Variants in CNTN3 observed in about 807,000 individuals in gnomAD.
CNTN3 encodes contactin-3.
A neutral mutation model predicts 119.1 loss-of-function variants in CNTN3; 60 were observed. That is an observed-to-expected ratio of 0.50 (90% CI 0.41 to 0.62). The LOEUF (loss-of-function observed/expected upper bound fraction) is 0.62. CNTN3 is among the 20% of genes least tolerant of loss of function. The pLI is 0.00. For missense variants in CNTN3, 1,101 were observed against 1,242.4 expected (o/e 0.89, Z 1.71); for synonymous variants, 450 against 438.7 (o/e 1.03, Z -0.32).
At chr3:74,265,977 GGA>G (rs1352938478) in intron 22 of CNTN3, among the ~76,000 whole-genome samples, 5 of 152,040 alleles carry the variant, frequency 3.3e-5, no homozygotes. Context: ...ACTTGGATTT[GGA>G]GAGGAAAAAT....
chr3:74,606,476 G>A (rs1451571543), intron 1 of CNTN3, among the ~76,000 whole-genome samples: 1 of 151,934 alleles, frequency 6.6e-6, no homozygotes, highest in Non-Finnish European at 1.5e-5. Flanking sequence ...GCACACATGT[G>A]AGAGTATGTA....
intron 4 of CNTN3, among the ~76,000 whole-genome samples, chr3:74,425,605 T>C (rs1391613302): frequency 3.3e-5 from 5 of 152,178 alleles, no homozygotes; most frequent in Non-Finnish European, 7.4e-5. Context: ...TGAAATATCC[T>C]AAATCAAAAA....
chr3:74,351,388 C>T (rs1461157957), intron 11 of CNTN3, among the ~76,000 whole-genome samples: 4 of 152,262 alleles, frequency 2.6e-5, no homozygotes, highest in South Asian at 2.1e-4. Flanking sequence ...ATGCCACCCA[C>T]GAGGCTGACT....
Position 74,302,723 on chromosome 3 carries a change from T to A in CNTN3, c.1753A>T (p.Ser585Cys). 6.2e-7 allele frequency: 1 copy of A among 1,613,112 alleles called. No individual in the cohort carries two copies. The highest frequency in any genetic ancestry group is 1.1e-5 in the South Asian group (1 of 90,958). ...ATGAGGTCAGCAGCAGATGAAACACTGTCCACCCCCGTTTGCACCATACAA... is the reference window on the plus strand; with the variant it reads ...ATGAGGTCAGCAGCAGATGAAACACAGTCCACCCCCGTTTGCACCATACAA... ...YVCMVQTGVD[S>C]VSSAADLIVR... Residue 585 changes from serine (S) to cysteine (C), a missense_variant, in exon 14 of 23, where the codon AGT (serine) becomes TGT (cysteine). Coordinates refer to ENST00000263665, the MANE Select transcript of CNTN3 (RefSeq NM_020872.3).
chr3:74,320,032 C>G (rs949889050), intron 13 of CNTN3, among the ~76,000 whole-genome samples: 7 of 152,016 alleles, frequency 4.6e-5, no homozygotes, highest in Non-Finnish European at 7.4e-5. Flanking sequence ...GTGCTGGAGA[C>G]GATGTGGAGA....
At chr3:74,341,626 G>A (rs1446728751) in intron 11 of CNTN3, among the ~76,000 whole-genome samples, 1 of 151,950 alleles carries the variant, frequency 6.6e-6, no homozygotes, top group Non-Finnish European at 1.5e-5. Context: ...GGTTAGTTTG[G>A]GATAAGTAAA....
intron 1 of CNTN3, among the ~76,000 whole-genome samples, chr3:74,604,966 A>C (rs1280099096): frequency 6.6e-6 from 1 of 152,188 alleles, no homozygotes; most frequent in African/African-American, 2.4e-5. Context: ...GCAGCCATTG[A>C]AAAGGAAGGA....
At chr3:74,286,673 G>A (rs768700635) in intron 19 of CNTN3, among the ~76,000 whole-genome samples, 2 of 152,178 alleles carry the variant, frequency 1.3e-5, no homozygotes, top group Admixed American at 1.3e-4. Flanking sequence ...TAATTTTCCA[G>A]AACTGAAGAA....
intron 2 of CNTN3, among the ~76,000 whole-genome samples, chr3:74,503,874 A>G (rs1703206881): frequency 6.6e-6 from 1 of 152,152 alleles, no homozygotes; most frequent in African/African-American, 2.4e-5. Context: ...AGGACTAATA[A>G]GTCCAAAAAT....
intron 4 of CNTN3, among the ~76,000 whole-genome samples, chr3:74,447,945 G>C (rs1238436210): frequency 2.6e-5 from 4 of 152,250 alleles, no homozygotes; most frequent in Middle Eastern, 3.4e-3. Flanking sequence ...GACCCATCAG[G>C]ATGCAGCCCA....
intron 1 of CNTN3, among the ~76,000 whole-genome samples, chr3:74,588,276 TG>T (rs1704633960): frequency 6.6e-6 from 1 of 152,074 alleles, no homozygotes; most frequent in South Asian, 2.1e-4. Flanking sequence ...TAAAAATCAA[TG>T]TACAAAAATC....
chr3:74,366,140 C>T (rs1028634212), intron 8 of CNTN3, among the ~76,000 whole-genome samples: 13 of 151,894 alleles, frequency 8.6e-5, no homozygotes, highest in African/African-American at 3.1e-4. Flanking sequence ...AATTAACATC[C>T]ATAGGAGAGA....
rs377028669 is a variant in CNTN3 at position 74,371,405 on chromosome 3, A to G, written c.455-6T>C. 8.1e-6 allele frequency: 13 copies of G among 1,606,270 alleles called. No homozygotes were observed. The East Asian group carries it at 8.9e-5, about 11-fold the overall frequency. On this transcript the variant is annotated splice_region_variant and splice_polypyrimidine_tract_variant and intron_variant, in intron 5 of 22. Transcript: ENST00000263665. ...GATCCAAGCATATGACAGTTCTAAT[A>G]AAATTGTTGAAGAGAGAAAGAAATT...
chr3:74,392,215 G>C (rs1265322641), intron 5 of CNTN3, among the ~76,000 whole-genome samples: 2 of 152,186 alleles, frequency 1.3e-5, no homozygotes, highest in Admixed American at 1.3e-4. Flanking sequence ...TAATTAAAGA[G>C]TGTTACTCCA....
chr3:74,526,114 TG>T (rs1438559744), intron 1 of CNTN3, among the ~76,000 whole-genome samples: 1 of 151,896 alleles, frequency 6.6e-6, no homozygotes, highest in African/African-American at 2.4e-5. Flanking sequence ...CTGTAAGGAT[TG>T]CTTAATACAC....
At chr3:74,280,957 G>A (rs1349908612) in intron 20 of CNTN3, among the ~76,000 whole-genome samples, 1 of 152,210 alleles carries the variant, frequency 6.6e-6, no homozygotes, top group Non-Finnish European at 1.5e-5. Context: ...TGACAACGTG[G>A]AAGAGATGGG....
chr3:74,534,761 G>C, intron 1 of CNTN3, among the ~76,000 whole-genome samples: 1 of 151,956 alleles, frequency 6.6e-6, no homozygotes, highest in East Asian at 1.9e-4. Flanking sequence ...AGTTAAGTAT[G>C]ATATATACAT....
intron 4 of CNTN3, among the ~76,000 whole-genome samples, chr3:74,465,266 C>A (rs1452121720): frequency 1.3e-5 from 2 of 152,038 alleles, no homozygotes; most frequent in African/African-American, 4.8e-5. Context: ...ACAAAGAATA[C>A]CAAATGATCC....
intron 5 of CNTN3, among the ~76,000 whole-genome samples, chr3:74,413,743 T>C (rs572100697): frequency 1.1e-4 from 16 of 152,284 alleles, no homozygotes; most frequent in African/African-American, 3.9e-4. Context: ...ACTTCATGCA[T>C]GATTCATTCC....
Sources: gnomAD v4.1 joint callset for allele counts (sites outside exome capture counted in the v4.1 genomes callset) on GRCh38, gnomAD v4.1.1 for gene constraint, MANE v1.5 for transcripts, NCBI Gene and HGNC (gene_info 2026-07-23, HGNC 2026-07-21) for gene names.